Variants in TCF12 observed in about 807,000 individuals in gnomAD.
TCF12 encodes the protein transcription factor 12, also known as DNA-binding protein HTF4.
Under a neutral mutation model 86.0 loss-of-function variants are expected in TCF12, and 45 were observed. The observed-to-expected ratio is 0.52, with a 90% CI of 0.41 to 0.67. TCF12 has a LOEUF of 0.67. TCF12 is among the 30% of genes least tolerant of loss of function. The pLI is 0.00. For missense variants in TCF12, 881 were observed against 859.9 expected, an observed-to-expected ratio of 1.02 and a Z score of -0.31; for synonymous variants, 330 against 299.6, an observed-to-expected ratio of 1.10 and a Z score of -1.05.
intron 4 of TCF12, among the ~76,000 whole-genome samples, chr15:57,083,879 C>G (rs1182340525): frequency 1.3e-5 from 2 of 152,170 alleles, no homozygotes; most frequent in African/African-American, 2.4e-5. Flanking sequence ...CTGCACCCAG[C>G]TCTATAAATT....
rs77807595 is a variant in TCF12, at chr15:56,977,691, A to G, written c.148+56593A>G. 8.8e-3 allele frequency among the ~76,000 whole-genome samples: 1,341 copies of G among 152,310 alleles called. 13 individuals are homozygous for G. Among genetic ancestry groups the G allele is most frequent in the African/African-American group, 0.031 (1,290 of 41,544 alleles). ...GTATTTTTGAGCTGAAGTTTGTAAA[A>G]TTCAACAAAAGGAAAAAGTAATCTG... On this transcript the variant is annotated intron_variant, in intron 3 of 20. Transcript: ENST00000333725.
At chr15:57,055,541 A>G (rs1430594857) in intron 3 of TCF12, among the ~76,000 whole-genome samples, 1 of 152,088 alleles carries the variant, frequency 6.6e-6, no homozygotes, top group Admixed American at 6.5e-5. Context: ...CTTGAAGGAT[A>G]TTTTTGCTGA....
chr15:57,059,468 A>C (rs2068284820), intron 3 of TCF12, among the ~76,000 whole-genome samples: 1 of 151,904 alleles, frequency 6.6e-6, no homozygotes, highest in Non-Finnish European at 1.5e-5. Context: ...ACTCACCACT[A>C]CTAACTGAAA....
In TCF12 at chr15:57,124,918, C is replaced by T. The variant is rs568121839; in HGVS notation, c.325+33027C>T. Among the ~76,000 whole-genome samples the T allele has an allele frequency of 1.8e-4, 28 of 151,914 alleles. No homozygotes were observed. The South Asian group carries it at 4.4e-3, about 24-fold the overall frequency. ...TGATCTCCTGACCTCGTGATCCGCCCGCCTCCATCTCCCAAAGTGCTGGGA... is the reference window on the plus strand; with the variant it reads ...TGATCTCCTGACCTCGTGATCCGCCTGCCTCCATCTCCCAAAGTGCTGGGA... On this transcript the variant is annotated intron_variant, in intron 5 of 20. Coordinates refer to ENST00000333725, the MANE Select transcript of TCF12 (RefSeq NM_207037.2).
chr15:57,272,884 C>T, intron 18 of TCF12, 146 bp from the exon 19 acceptor site: 1 of 726,504 alleles, frequency 1.4e-6, no homozygotes, highest in Non-Finnish European at 2.2e-6. Flanking sequence ...AAGGAATATA[C>T]AGTCATGTTA....
At chr15:57,180,198 C>T (rs569506597) in intron 6 of TCF12, among the ~76,000 whole-genome samples, 1 of 151,966 alleles carries the variant, frequency 6.6e-6, no homozygotes, top group Non-Finnish European at 1.5e-5. Context: ...ATTATTAAAG[C>T]CCAACATTTA....
At chr15:57,072,724 T>C in intron 4 of TCF12, 1 of 1,298,738 alleles carries the variant, frequency 7.7e-7, no homozygotes, top group Non-Finnish European at 1.0e-6. Context: ...AGTAAGTGTT[T>C]TCTATATATT....
At chr15:56,994,998 C>T (rs2063631339) in intron 3 of TCF12, among the ~76,000 whole-genome samples, 1 of 151,960 alleles carries the variant, frequency 6.6e-6, no homozygotes, top group African/African-American at 2.4e-5. Context: ...ATGTGATTTT[C>T]AGTGGCTGTG....
At chr15:57,059,803 CAAA>C (rs10717631) in intron 3 of TCF12, among the ~76,000 whole-genome samples, 43 of 94,210 alleles carry the variant, frequency 4.6e-4, no homozygotes, top group Non-Finnish European at 4.8e-4. Flanking sequence ...CTCCTCCCAC[CAAA>C]AAAAAAAAAA....
intron 3 of TCF12, among the ~76,000 whole-genome samples, chr15:56,975,093 G>A (rs530226651): frequency 1.3e-5 from 2 of 152,126 alleles, no homozygotes; most frequent in Admixed American, 1.3e-4. Context: ...TAAAATGTTA[G>A]TAAGGGACAA....
At chr15:57,192,046 G>A (rs538179027) in intron 6 of TCF12, 112 bp from the exon 7 acceptor site, 13 of 1,238,598 alleles carry the variant, frequency 1.0e-5, no homozygotes, top group Admixed American at 1.0e-4. Context: ...TAATGGGTGC[G>A]TTCTAAGTTA....
At chr15:57,063,087 T>C (rs1266144759) in intron 3 of TCF12, among the ~76,000 whole-genome samples, 1 of 152,216 alleles carries the variant, frequency 6.6e-6, no homozygotes, top group African/African-American at 2.4e-5. Flanking sequence ...CCTAATTCTT[T>C]CTCACTGTGA....
At chr15:57,104,954 A>AC (rs375129930) in intron 5 of TCF12, among the ~76,000 whole-genome samples, 48 of 136,140 alleles carry the variant, frequency 3.5e-4, no homozygotes, top group African/African-American at 1.3e-3. Context: ...GCTCACTGCA[A>AC]CCCCTGCCTC....
intron 3 of TCF12, among the ~76,000 whole-genome samples, chr15:56,950,707 C>T (rs377708764): frequency 1.4e-5 from 2 of 139,364 alleles, no homozygotes. Flanking sequence ...GGGTTGTCTC[C>T]AATTTTGGGA....
intron 16 of TCF12, among the ~76,000 whole-genome samples, chr15:57,255,299 C>T (rs1258960179): frequency 1.3e-5 from 2 of 152,106 alleles, no homozygotes; most frequent in African/African-American, 2.4e-5. Flanking sequence ...AAATGTAGTC[C>T]TCCAAAGCCA....
intron 3 of TCF12, among the ~76,000 whole-genome samples, chr15:57,058,724 A>G (rs1432421871): frequency 6.6e-6 from 1 of 152,210 alleles, no homozygotes; most frequent in African/African-American, 2.4e-5. Flanking sequence ...TGCAATTTTA[A>G]TATTTTCCTA....
chr15:57,197,237 A>T (rs549233505), intron 7 of TCF12, among the ~76,000 whole-genome samples: 6 of 139,352 alleles, frequency 4.3e-5, no homozygotes, highest in Admixed American at 4.0e-4. Flanking sequence ...GCTCACTGCA[A>T]CCTCCATCTC....
intron 8 of TCF12, among the ~76,000 whole-genome samples, chr15:57,200,723 A>C (rs2057500844): frequency 6.6e-6 from 1 of 152,198 alleles, no homozygotes; most frequent in Non-Finnish European, 1.5e-5. Context: ...TTGATTAGAG[A>C]CTTTTTTTGT....
chr15:56,948,403 C>G (rs115636482), intron 3 of TCF12, among the ~76,000 whole-genome samples: 2 of 152,236 alleles, frequency 1.3e-5, no homozygotes, highest in East Asian at 1.9e-4. Context: ...CTAAAATCAC[C>G]GTAACTTCAG....
Sources: allele counts gnomAD v4.1 joint callset (sites outside exome capture counted in the v4.1 genomes callset), GRCh38; gene constraint gnomAD v4.1.1; transcripts MANE v1.5; gene names NCBI Gene and HGNC (gene_info 2026-07-23, HGNC 2026-07-21).